ZBBX: variants seen among roughly 807,000 people sequenced by gnomAD.
ZBBX encodes the protein zinc finger B-box domain containing.
ZBBX carries 101 observed loss-of-function variants against 108.5 expected under a neutral mutation model. The ratio of observed to expected loss-of-function variants is 0.93; its 90% confidence interval spans 0.79 to 1.10. The LOEUF (loss-of-function observed/expected upper bound fraction) is 1.10, where lower values mean the gene tolerates loss of function less well. Among genes scored for constraint, ZBBX ranks in the 50% least tolerant of loss-of-function variants. ZBBX has a pLI of 0.00. For synonymous variants in ZBBX, 356 were observed against 323.4 expected (o/e 1.10, Z -1.08); for missense variants, 1,009 against 941.4 (o/e 1.07, Z -0.94).
chr3:167,237,213 T>C (rs533577159), downstream of ZBBX, among the ~76,000 whole-genome samples: 7 of 152,000 alleles, frequency 4.6e-5, no homozygotes, highest in East Asian at 9.7e-4. Context: ...GCCTGTGTTA[T>C]GTGACATACT....
chr3:167,348,368 GAAAA>G (rs1222677422), intron 9 of ZBBX, among the ~76,000 whole-genome samples: 170 of 111,626 alleles, frequency 1.5e-3, no homozygotes, highest in Middle Eastern at 0.01. Flanking sequence ...AAGAAAGAAA[GAAAA>G]AAAAGAAAAG....
At chr3:167,279,747 C>T (rs1406427021) in intron 20 of ZBBX, among the ~76,000 whole-genome samples, 1 of 151,894 alleles carries the variant, frequency 6.6e-6, no homozygotes, top group East Asian at 1.9e-4. Context: ...GAAAAAACTA[C>T]TTTAAAGTTC....
chr3:167,269,514 T>C (rs1265511782), intron 20 of ZBBX, among the ~76,000 whole-genome samples: 1 of 152,168 alleles, frequency 6.6e-6, no homozygotes, highest in Non-Finnish European at 1.5e-5. Context: ...ATTCACTCGT[T>C]GTGAAGGAAA....
intron 9 of ZBBX, among the ~76,000 whole-genome samples, chr3:167,346,641 T>C (rs1741503608): frequency 6.6e-6 from 1 of 151,882 alleles, no homozygotes; most frequent in African/African-American, 2.4e-5. Context: ...CTTCCCTAAC[T>C]TCTCAAATTA....
At chr3:167,318,634 C>T (rs1401566431) in intron 12 of ZBBX, among the ~76,000 whole-genome samples, 1 of 151,870 alleles carries the variant, frequency 6.6e-6, no homozygotes, top group African/African-American at 2.4e-5. Context: ...CATTTATATG[C>T]CAATTGTTAA....
At chr3:167,383,972 G>A (rs568784753), upstream of ZBBX, among the ~76,000 whole-genome samples, 1 of 152,194 alleles carries the variant, frequency 6.6e-6, no homozygotes, top group East Asian at 1.9e-4. Flanking sequence ...CATAGTATAT[G>A]TGGCAAAAAG....
chr3:167,321,344 G>A (rs185451364), intron 12 of ZBBX, among the ~76,000 whole-genome samples: 12 of 152,050 alleles, frequency 7.9e-5, no homozygotes, highest in Admixed American at 4.6e-4. Flanking sequence ...TATCTGTATG[G>A]GCTTAATAGG....
At chr3:167,392,485 T>C (rs1039973709) in intron 1 of ZBBX, among the ~76,000 whole-genome samples, 12 of 151,836 alleles carry the variant, frequency 7.9e-5, no homozygotes, top group Non-Finnish European at 1.8e-4. Flanking sequence ...TTTAACTTTA[T>C]AAGAAACTGT....
chr3:167,281,271 T>C (rs1289407723), intron 20 of ZBBX, among the ~76,000 whole-genome samples: 1 of 152,036 alleles, frequency 6.6e-6, no homozygotes, highest in Non-Finnish European at 1.5e-5. Flanking sequence ...AATAAATAAA[T>C]AAGTAAAAAA....
chr3:167,384,238 G>C (rs1297753474), upstream of ZBBX, among the ~76,000 whole-genome samples: 1 of 152,076 alleles, frequency 6.6e-6, no homozygotes, highest in Non-Finnish European at 1.5e-5. Context: ...ATTAGTCCAA[G>C]ATAGAAATAA....
At chr3:167,335,502 T>G (rs1577029892) in intron 9 of ZBBX, among the ~76,000 whole-genome samples, 1 of 151,936 alleles carries the variant, frequency 6.6e-6, no homozygotes, top group Admixed American at 6.6e-5. Context: ...CTGTGAGAAC[T>G]TGGCATGAGG....
At chr3:167,376,350 G>A (rs1000440575) in intron 2 of ZBBX, among the ~76,000 whole-genome samples, 9 of 152,108 alleles carry the variant, frequency 5.9e-5, no homozygotes, top group African/African-American at 2.2e-4. Flanking sequence ...CATGGAATCT[G>A]TATTGCTTTC....
chr3:167,191,207 T>C, the ZBBX span, among the ~76,000 whole-genome samples: 2 of 152,214 alleles, frequency 1.3e-5, no homozygotes, highest in African/African-American at 2.4e-5. Context: ...AGAAACAATC[T>C]GTCTCTGCTG....
chr3:167,405,593 A>G (rs1748556247), intron 1 of ZBBX, among the ~76,000 whole-genome samples: 1 of 152,178 alleles, frequency 6.6e-6, no homozygotes, highest in South Asian at 2.1e-4. Context: ...CAATAAAAAT[A>G]TGAAGGTGAA....
At chr3:167,232,663 G>A in the ZBBX span, among the ~76,000 whole-genome samples, 1 of 151,740 alleles carries the variant, frequency 6.6e-6, no homozygotes, top group African/African-American at 2.4e-5. Flanking sequence ...TTGCCTAGAG[G>A]GGAATTAGGT....
Position 167,314,068 on chromosome 3 carries a change from G to A in ZBBX, c.1323C>T (p.Gly441=). Residue 441 remains glycine (G), a synonymous_variant, in exon 16 of 22, where the codon GGC becomes GGT. Transcript: ENST00000675490. The stretch of plus-strand genomic sequence containing the variant: ...TATCGAAAACATGATGTTGATGGAT[G>A]CCATTTTCATATGGAAAGCTATTCT... The part of the protein sequence containing the change: ...CQKNSFPYEN[G]IHQHHVFDKG... 1.2e-6 allele frequency: 2 copies of A among 1,605,036 alleles called. No homozygotes were observed. Among genetic ancestry groups the A allele is most frequent in the Non-Finnish European group, 1.7e-6 (2 of 1,175,670 alleles).
intron 20 of ZBBX, among the ~76,000 whole-genome samples, chr3:167,249,808 G>A (rs1174831174): frequency 6.6e-6 from 1 of 152,176 alleles, no homozygotes; most frequent in African/African-American, 2.4e-5. Flanking sequence ...TTCATATATA[G>A]CGTCAGAGAA....
At chr3:167,348,440 GAGAGA>G (rs1742077396) in intron 9 of ZBBX, among the ~76,000 whole-genome samples, 1 of 145,248 alleles carries the variant, frequency 6.9e-6, no homozygotes, top group South Asian at 2.2e-4. Flanking sequence ...GAGAGAAAGA[GAGAGA>G]AGGAGAGAAA....
chr3:167,344,360 G>T (rs1200655463), intron 9 of ZBBX, among the ~76,000 whole-genome samples: 1 of 151,772 alleles, frequency 6.6e-6, no homozygotes, highest in Non-Finnish European at 1.5e-5. Context: ...GAATTGTGTG[G>T]TATATGAATT....
Sources: gnomAD v4.1 joint callset for allele counts (sites outside exome capture counted in the v4.1 genomes callset) on GRCh38, gnomAD v4.1.1 for gene constraint, MANE v1.5 for transcripts, NCBI Gene and HGNC (gene_info 2026-07-23, HGNC 2026-07-21) for gene names.